Variants in RSF1 observed in about 807,000 individuals in gnomAD.
RSF1 encodes the protein remodeling and spacing factor 1.
In RSF1, 13 loss-of-function variants were observed where a neutral mutation model predicts 145.2. The observed-to-expected ratio is 0.09, with a 90% CI of 0.06 to 0.14. The LOEUF (loss-of-function observed/expected upper bound fraction) is 0.14. RSF1 is among the 10% of genes least tolerant of loss of function. RSF1 has a pLI of 1.00. For synonymous variants in RSF1, 577 were observed against 592.6 expected (o/e 0.97, Z 0.38); for missense variants, 1,517 against 1,718.2 (o/e 0.88, Z 2.07).
In RSF1 at chr11:77,680,650, T is replaced by C. The variant is rs140036038; in HGVS notation, c.3066-2497A>G. On this transcript the variant is annotated intron_variant, in intron 11 of 15. Transcript: ENST00000308488. Reference sequence around the variant, plus strand: ...TTTCAAAGGACTCACAAATTTCAGATGGAGAGCTCTTCTTTTACAATGTAA... The same window carrying C: ...TTTCAAAGGACTCACAAATTTCAGACGGAGAGCTCTTCTTTTACAATGTAA... 1.6e-3 allele frequency among the ~76,000 whole-genome samples: 248 copies of C among 152,342 alleles called. 4 individuals are homozygous for C. The East Asian group carries it at 0.039, about 24-fold the overall frequency.
chr11:77,804,682 A>G (rs1316131417), intron 1 of RSF1, among the ~76,000 whole-genome samples: 1 of 152,132 alleles, frequency 6.6e-6, no homozygotes, highest in Non-Finnish European at 1.5e-5. Flanking sequence ...AGAAAAAAAA[A>G]ATTAGCTGAG....
intron 4 of RSF1, among the ~76,000 whole-genome samples, chr11:77,729,835 T>C (rs1006297905): frequency 1.4e-5 from 2 of 140,030 alleles, no homozygotes; most frequent in African/African-American, 5.3e-5. Context: ...AAATATATGA[T>C]TCCAGAGTTG....
At chr11:77,814,476 C>A (rs1037811728) in intron 1 of RSF1, among the ~76,000 whole-genome samples, 1 of 152,190 alleles carries the variant, frequency 6.6e-6, no homozygotes, top group East Asian at 1.9e-4. Flanking sequence ...GACAGAGTCT[C>A]GCTCTGTCAC....
At position 77,675,028 on chromosome 11, in the gene RSF1, A is replaced by AT. The variant is rs1365201235; in HGVS notation, c.3562+7dup. 4.4e-6 allele frequency: 7 copies of AT among 1,578,724 alleles called. 1 individual carries two copies. In the Admixed American group the frequency reaches 7.7e-5, roughly 17 times the overall value. On this transcript the variant is annotated splice_region_variant and intron_variant, in intron 14 of 15. Transcript: ENST00000308488. Reference sequence around the variant, plus strand: ...TTGAGCTACCATATGGTTACAGATTATTTTTACCAGAGTCTCTACTATTCT... The same window carrying AT: ...TTGAGCTACCATATGGTTACAGATTATTTTTTACCAGAGTCTCTACTATTCT...
chr11:77,777,099 C>T (rs2135951357), intron 1 of RSF1, among the ~76,000 whole-genome samples: 1 of 152,230 alleles, frequency 6.6e-6, no homozygotes, highest in South Asian at 2.1e-4. Flanking sequence ...ATGAACAAGA[C>T]TTTTTTTCTT....
intron 1 of RSF1, among the ~76,000 whole-genome samples, chr11:77,797,323 A>T (rs1459950720): frequency 6.6e-6 from 1 of 152,228 alleles, no homozygotes; most frequent in Non-Finnish European, 1.5e-5. Flanking sequence ...TATATAGTCC[A>T]ATGGAGCAAA....
chr11:77,685,024 C>T (rs1959967197), intron 10 of RSF1, 81 bp downstream of exon 10: 1 of 646,604 alleles, frequency 1.5e-6, no homozygotes. Flanking sequence ...AATAAAACCA[C>T]TAACATTACA....
intron 5 of RSF1, among the ~76,000 whole-genome samples, chr11:77,704,553 A>G (rs1279283633): frequency 2.0e-5 from 3 of 152,190 alleles, no homozygotes; most frequent in African/African-American, 7.2e-5. Context: ...AAGAAATGAC[A>G]TTAGGTTCAA....
At chr11:77,764,810 A>T in intron 1 of RSF1, 121 bp from the exon 2 acceptor site, 1 of 641,848 alleles carries the variant, frequency 1.6e-6, no homozygotes, top group Non-Finnish European at 2.6e-6. Flanking sequence ...CAGTGTTGAT[A>T]CTAGCTAACT....
At chr11:77,866,705 G>C in the RSF1 span, 9 of 151,780 alleles carry the variant, frequency 5.9e-5, no homozygotes, top group South Asian at 1.9e-3. Context: ...TGTGAGCTCT[G>C]GGTGAGAGAG....
Position 77,673,110 on chromosome 11 carries a change from T to G in RSF1, c.3563-880A>C, listed in dbSNP as rs533682951. ...ACCACAAATCCGCCTCCTGATAATA[T>G]GCTGTTCTACCTGTCACTATAGTCA... On this transcript the variant is annotated intron_variant, in intron 14 of 15. Coordinates refer to ENST00000308488, the MANE Select transcript of RSF1 (RefSeq NM_016578.4). 2.0e-5 allele frequency among the ~76,000 whole-genome samples: 3 copies of G among 152,336 alleles called. No individual in the cohort carries two copies. In the East Asian group the frequency reaches 5.8e-4, roughly 29 times the overall value.
chr11:77,807,362 T>C (rs953174949), intron 1 of RSF1, among the ~76,000 whole-genome samples: 12 of 152,238 alleles, frequency 7.9e-5, no homozygotes, highest in African/African-American at 2.9e-4. Context: ...CAAAGCACCC[T>C]AGAATTACTC....
At chr11:77,774,821 C>A (rs1308782638) in intron 1 of RSF1, among the ~76,000 whole-genome samples, 1 of 150,120 alleles carries the variant, frequency 6.7e-6, no homozygotes, top group Non-Finnish European at 1.5e-5. Flanking sequence ...GGCTGGTGTG[C>A]AATGGCATGA....
chr11:77,708,771 A>G (rs1960611955), intron 5 of RSF1, among the ~76,000 whole-genome samples: 1 of 152,176 alleles, frequency 6.6e-6, no homozygotes, highest in Non-Finnish European at 1.5e-5. Flanking sequence ...TCAGAGCCTT[A>G]CCTGCCTGAC....
intron 5 of RSF1, among the ~76,000 whole-genome samples, chr11:77,706,035 G>T (rs575261550): frequency 1.6e-4 from 24 of 152,040 alleles, no homozygotes; most frequent in Non-Finnish European, 3.1e-4. Context: ...GGAGGCTAAG[G>T]TGGGCAGATC....
chr11:77,825,605 G>T (rs1234823315), upstream of RSF1, among the ~76,000 whole-genome samples: 1 of 151,820 alleles, frequency 6.6e-6, no homozygotes, highest in Admixed American at 6.6e-5. Flanking sequence ...CCATTTTCTG[G>T]ATATTTGTCT....
Position 77,725,966 on chromosome 11 carries a change from T to G in RSF1, c.579-267A>C, listed in dbSNP as rs113853953. On this transcript the variant is annotated intron_variant, in intron 4 of 15. Coordinates refer to ENST00000308488, the MANE Select transcript of RSF1 (RefSeq NM_016578.4). ...ATATCTCTTGGGTTGAAAAGAAAAG[T>G]AGGAACAAAATTACACAAAAATCAA... Among the ~76,000 whole-genome samples the G allele has an allele frequency of 1.0e-2, 1,521 of 152,198 alleles. 26 individuals are homozygous for G. The highest frequency in any genetic ancestry group is 0.034 in the African/African-American group (1,393 of 41,540).
chr11:77,825,142 G>A (rs193149105), upstream of RSF1, among the ~76,000 whole-genome samples: 258 of 152,048 alleles, frequency 1.7e-3, 2 homozygotes, highest in African/African-American at 5.9e-3. Context: ...CACCATGCCC[G>A]GCTAATTTTT....
intron 10 of RSF1, 21 bp from the exon 11 acceptor site, chr11:77,683,840 G>A: frequency 6.5e-7 from 1 of 1,548,010 alleles, no homozygotes; most frequent in Non-Finnish European, 8.9e-7. Flanking sequence ...ATGATAATAA[G>A]CATAGAGGTT....
Sources: allele counts gnomAD v4.1 joint callset (sites outside exome capture counted in the v4.1 genomes callset), GRCh38; gene constraint gnomAD v4.1.1; transcripts MANE v1.5; gene names NCBI Gene and HGNC (gene_info 2026-07-23, HGNC 2026-07-21).